MPHOSPH9: variants seen among roughly 807,000 people sequenced by gnomAD.
MPHOSPH9 encodes the protein M-phase phosphoprotein 9.
MPHOSPH9 carries 88 observed loss-of-function variants against 145.5 expected under a neutral mutation model. The observed-to-expected ratio is 0.60, with a 90% CI of 0.51 to 0.72. MPHOSPH9 has a LOEUF of 0.72. Among genes scored for constraint, MPHOSPH9 ranks in the 30% least tolerant of loss-of-function variants. MPHOSPH9 has a pLI of 0.00. For synonymous variants in MPHOSPH9, 435 were observed against 486.2 expected (o/e 0.89, Z 1.39); for missense variants, 1,238 against 1,386.6 (o/e 0.89, Z 1.70).
At chr12:123,178,633 C>A (rs912643059) in intron 15 of MPHOSPH9, among the ~76,000 whole-genome samples, 2 of 152,162 alleles carry the variant, frequency 1.3e-5, no homozygotes, top group African/African-American at 2.4e-5. Context: ...AAGCGATTCT[C>A]CTGCCTCACC....
intron 13 of MPHOSPH9, among the ~76,000 whole-genome samples, chr12:123,184,922 G>A (rs568284908): frequency 6.6e-6 from 1 of 152,194 alleles, no homozygotes; most frequent in African/African-American, 2.4e-5. Context: ...TCATGCTTCT[G>A]CCTCCCGAGT....
intron 23 of MPHOSPH9, among the ~76,000 whole-genome samples, chr12:123,158,224 A>T (rs967424415): frequency 1.3e-5 from 2 of 151,920 alleles, no homozygotes; most frequent in Non-Finnish European, 2.9e-5. Flanking sequence ...TCCTGACTGC[A>T]GGTGATCTGA....
chr12:123,241,809 G>T (rs1429543342), intron 1 of MPHOSPH9, among the ~76,000 whole-genome samples: 1 of 152,212 alleles, frequency 6.6e-6, no homozygotes, highest in African/African-American at 2.4e-5. Context: ...CATCCCTGCA[G>T]ATAGTCTGTC....
In MPHOSPH9 at chr12:123,227,460, T is replaced by C. The variant is rs996608436; in HGVS notation, c.258+3A>G. On this transcript the variant is annotated splice_donor_region_variant and intron_variant, in intron 3 of 23. Transcript: ENST00000606320. ...ATTCCAAAAATAAAACAAAATTAGATACCTCACAGTTTTTCCAAAGTTCCG... is the reference window on the plus strand; with the variant it reads ...ATTCCAAAAATAAAACAAAATTAGACACCTCACAGTTTTTCCAAAGTTCCG... 6.1e-6 allele frequency: 9 copies of C among 1,468,890 alleles called. No homozygotes were observed. The highest frequency in any genetic ancestry group is 1.4e-5 in the African/African-American group (1 of 70,636). The allele number at this position is 1,468,890 out of a possible 1,614,324, so 91.0% of individuals were successfully genotyped here. A position where few individuals can be genotyped will look rare whatever the true frequency, so the allele number is the denominator to read the frequency against.
At position 123,194,517 on chromosome 12, in the gene MPHOSPH9, T is replaced by C. The variant is rs745412073; in HGVS notation, c.2110A>G (p.Lys704Glu). The C allele has an allele frequency of 6.2e-7, 1 of 1,613,378 alleles. No homozygotes were observed. The highest frequency in any genetic ancestry group is 1.7e-5 in the Admixed American group (1 of 59,946). ...ERIEEMRTSS[K>E]EKDNTIIRLK... Reference sequence around the variant, plus strand: ...CGAATGATGGTATTGTCTTTTTCTTTACTGCTTGTTCTCATTTCTTCAATT... The same window carrying C: ...CGAATGATGGTATTGTCTTTTTCTTCACTGCTTGTTCTCATTTCTTCAATT... Residue 704 changes from lysine to glutamate, a missense_variant, in exon 13 of 24, where the codon AAA becomes GAA. Lys to Glu is a moderately conservative substitution (Grantham distance 56). Around this residue, in one of 3 missense-constraint regions of MPHOSPH9, gnomAD observed 837 missense variants for 897.5 expected, o/e 0.93. Transcript: ENST00000606320.
At chr12:123,164,590 G>C (rs781021174) in intron 18 of MPHOSPH9, among the ~76,000 whole-genome samples, 1 of 152,188 alleles carries the variant, frequency 6.6e-6, no homozygotes, top group Non-Finnish European at 1.5e-5. Context: ...AGAAAGAAGA[G>C]GAAATGTTAT....
At chr12:123,165,554 T>A (rs917853626) in intron 17 of MPHOSPH9, 77 bp from the exon 18 acceptor site, 1 of 1,293,592 alleles carries the variant, frequency 7.7e-7, no homozygotes, top group South Asian at 1.3e-5. Context: ...ACACCAAACA[T>A]ACATGTTGAA....
At position 123,230,379 on chromosome 12, in the gene MPHOSPH9, G is replaced by C; in HGVS notation, c.-15C>G. On this transcript the variant is annotated 5_prime_UTR_variant, in exon 2 of 24. Coordinates refer to ENST00000606320, the MANE Select transcript of MPHOSPH9 (RefSeq NM_022782.4). ...AACTCTTCCATAGTGTACAGAAATTGTTATATTCTCTTATTGGAAAATAAA... is the reference window on the plus strand; with the variant it reads ...AACTCTTCCATAGTGTACAGAAATTCTTATATTCTCTTATTGGAAAATAAA... 7 of 1,433,800 alleles carry C rather than the reference G, an allele frequency of 4.9e-6. No homozygotes were observed. Among genetic ancestry groups the C allele is most frequent in the Non-Finnish European group, 6.6e-6 (7 of 1,066,514 alleles). The allele number at this position is 1,433,800 out of a possible 1,614,324, so 88.8% of individuals were successfully genotyped here. A position where few individuals can be genotyped will look rare whatever the true frequency, so the allele number is the denominator to read the frequency against.
intron 8 of MPHOSPH9, 86 bp from the exon 9 acceptor site, chr12:123,203,461 T>C (rs1463216041): frequency 8.0e-7 from 1 of 1,254,230 alleles, no homozygotes; most frequent in African/African-American, 1.5e-5. Context: ...AAAAGATTTT[T>C]GAAAGACTTT....
At chr12:123,206,562 G>A (rs1292580472) in intron 8 of MPHOSPH9, among the ~76,000 whole-genome samples, 4 of 151,740 alleles carry the variant, frequency 2.6e-5, no homozygotes, top group East Asian at 1.9e-4. Context: ...CTCTGAGAAG[G>A]AAAGAATTTT....
chr12:123,204,627 C>T (rs551327790), intron 8 of MPHOSPH9, among the ~76,000 whole-genome samples: 34 of 152,298 alleles, frequency 2.2e-4, no homozygotes, highest in Non-Finnish European at 2.9e-4. Flanking sequence ...GTAATCCCAG[C>T]GCTTTGGGAG....
rs759846011 is a variant in MPHOSPH9, at chr12:123,161,355, A to G, written c.3162T>C (p.Asp1054=). 5.4e-5 allele frequency: 87 copies of G among 1,614,092 alleles called. 2 individuals are homozygous for G. The South Asian group carries it at 9.4e-4, about 18-fold the overall frequency. ...GGCAAGAGCTATGATTAACATGGTT[A>G]TCGGTGGCTTTCTCAGAATAAGTTT... ...EEKTYSEKAT[D]NHVNHSSCPE... is the part of the protein sequence containing the mutation. The change falls in exon 22 of 24, where the codon GAT becomes GAC. Residue 1054 remains aspartate (D), a synonymous_variant. Transcript: ENST00000606320.
Position 123,166,806 on chromosome 12 carries a change from G to A in MPHOSPH9, c.2457-17C>T, listed in dbSNP as rs554689375. The A allele has an allele frequency of 2.2e-5, 35 of 1,608,430 alleles. 1 individual carries two copies. Among genetic ancestry groups the A allele is most frequent in the Middle Eastern group, 1.7e-4 (1 of 6,032 alleles). On this transcript the variant is annotated splice_polypyrimidine_tract_variant and intron_variant, in intron 16 of 23. Coordinates refer to ENST00000606320, the MANE Select transcript of MPHOSPH9 (RefSeq NM_022782.4). ...GCTAGTGTGCTATTAGAATGAAAAC[G>A]GTCAGGCATTATAAAGGTCTGCACT... is the stretch of plus-strand genomic sequence containing the variant.
At chr12:123,207,181 T>G (rs1488757819) in intron 8 of MPHOSPH9, among the ~76,000 whole-genome samples, 1 of 146,376 alleles carries the variant, frequency 6.8e-6, no homozygotes, top group Non-Finnish European at 1.5e-5. Context: ...TGTATCAGTC[T>G]AATTTATAAA....
At chr12:123,184,182 G>A (rs529551258) in intron 13 of MPHOSPH9, among the ~76,000 whole-genome samples, 3 of 151,998 alleles carry the variant, frequency 2.0e-5, no homozygotes, top group South Asian at 2.1e-4. Context: ...CTCCAGTCTC[G>A]GTGACAAGGT....
intron 13 of MPHOSPH9, among the ~76,000 whole-genome samples, 183 bp downstream of exon 13, chr12:123,194,203 A>G (rs367974580): frequency 7.3e-4 from 111 of 152,224 alleles, no homozygotes; most frequent in African/African-American, 2.5e-3. Flanking sequence ...CGGGAGGTGG[A>G]GGCTGCAGTG....
intron 16 of MPHOSPH9, among the ~76,000 whole-genome samples, chr12:123,167,959 T>C (rs2044386675): frequency 6.6e-6 from 1 of 152,230 alleles, no homozygotes; most frequent in African/African-American, 2.4e-5. Flanking sequence ...GGGTACTTGC[T>C]GGCTTTTGTC....
intron 2 of MPHOSPH9, among the ~76,000 whole-genome samples, chr12:123,227,950 T>C (rs2047493296): frequency 6.6e-6 from 1 of 152,150 alleles, no homozygotes; most frequent in Non-Finnish European, 1.5e-5. Context: ...GAGGATTATT[T>C]CCCCCAACTT....
chr12:123,209,076 G>A (rs1401416083), intron 8 of MPHOSPH9, among the ~76,000 whole-genome samples: 1 of 152,090 alleles, frequency 6.6e-6, no homozygotes, highest in Admixed American at 6.6e-5. Flanking sequence ...GGGATTACAA[G>A]TGCATGCCAC....
Sources: allele counts gnomAD v4.1 joint callset (sites outside exome capture counted in the v4.1 genomes callset), GRCh38; gene constraint gnomAD v4.1.1; regional missense constraint gnomAD v4.1.1; transcripts MANE v1.5; gene names NCBI Gene and HGNC (gene_info 2026-07-23, HGNC 2026-07-21).